Variants in HIVEP1 observed in about 807,000 individuals in gnomAD.
The protein encoded by HIVEP1 is HIVEP zinc finger 1.
A neutral mutation model predicts 180.0 loss-of-function variants in HIVEP1; 36 were observed. That is an observed-to-expected ratio of 0.20 (90% CI 0.15 to 0.26). The LOEUF (loss-of-function observed/expected upper bound fraction) is 0.26, where lower values mean the gene tolerates loss of function less well. Ranked by LOEUF, HIVEP1 falls within the 10% of genes least tolerant of loss-of-function variation. The probability of loss-of-function intolerance (pLI) is 1.00; values close to 1 mark genes in which losing one functional copy is unlikely to be tolerated. For missense variants in HIVEP1, 3,143 were observed against 3,268.7 expected (o/e 0.96, Z 0.94); for synonymous variants, 1,239 against 1,239.0 (o/e 1.00, Z 0.00).
intron 2 of HIVEP1, among the ~76,000 whole-genome samples, chr6:12,055,917 G>T (rs1000116129): frequency 6.6e-6 from 1 of 152,220 alleles, no homozygotes; most frequent in African/African-American, 2.4e-5. Flanking sequence ...GAAGGCTAGT[G>T]TGCATCATTT....
chr6:12,195,293 G>T, the HIVEP1 span, among the ~76,000 whole-genome samples: 1 of 152,098 alleles, frequency 6.6e-6, no homozygotes, highest in Non-Finnish European at 1.5e-5. Context: ...ACATTTCCTG[G>T]TATAGAGTAA....
chr6:12,101,733 A>C (rs1774125227), intron 3 of HIVEP1, among the ~76,000 whole-genome samples: 1 of 152,132 alleles, frequency 6.6e-6, no homozygotes. Flanking sequence ...GTTAAATTGC[A>C]GGCACAAATT....
chr6:12,177,301 C>A, the HIVEP1 span, among the ~76,000 whole-genome samples: 1 of 152,090 alleles, frequency 6.6e-6, no homozygotes, highest in South Asian at 2.1e-4. Context: ...TGCACAGGTA[C>A]CCCCAAACCT....
At chr6:12,157,113 T>C (rs1375859617) in intron 7 of HIVEP1, among the ~76,000 whole-genome samples, 1 of 152,210 alleles carries the variant, frequency 6.6e-6, no homozygotes, top group African/African-American at 2.4e-5. Context: ...CGTCTGATAT[T>C]AGTATAGTTT....
chr6:12,067,199 T>C (rs1771654372), intron 2 of HIVEP1, among the ~76,000 whole-genome samples: 1 of 152,170 alleles, frequency 6.6e-6, no homozygotes, highest in Admixed American at 6.5e-5. Context: ...GATTAATTAT[T>C]AGTATTATGG....
At chr6:12,127,642 T>A (rs1032744369) in intron 4 of HIVEP1, among the ~76,000 whole-genome samples, 1 of 152,104 alleles carries the variant, frequency 6.6e-6, no homozygotes, top group Non-Finnish European at 1.5e-5. Context: ...TTGCTCAGGG[T>A]ATAAAGAAGA....
At chr6:12,047,015 C>A (rs1294092706) in intron 2 of HIVEP1, among the ~76,000 whole-genome samples, 2 of 151,772 alleles carry the variant, frequency 1.3e-5, no homozygotes, top group African/African-American at 4.8e-5. Flanking sequence ...TGTCCACCAC[C>A]ACGCCTGGCT....
intron 2 of HIVEP1, among the ~76,000 whole-genome samples, chr6:12,077,724 T>C (rs970563206): frequency 3.3e-5 from 5 of 152,232 alleles, no homozygotes; most frequent in Non-Finnish European, 5.9e-5. Flanking sequence ...AATTGACATC[T>C]AATTCTGTTG....
chr6:12,071,896 C>A (rs72826057), intron 2 of HIVEP1, among the ~76,000 whole-genome samples: 3,868 of 152,130 alleles, frequency 0.025, 71 homozygotes, highest in Middle Eastern at 0.044. Flanking sequence ...TGCTTTAATT[C>A]ATTGTTATTT....
intron 2 of HIVEP1, among the ~76,000 whole-genome samples, chr6:12,079,718 G>A (rs1402852748): frequency 6.6e-6 from 1 of 152,156 alleles, no homozygotes; most frequent in African/African-American, 2.4e-5. Flanking sequence ...GGAGTGGGGT[G>A]CAGCCTGAGT....
At chr6:12,047,822 C>T (rs1224341848) in intron 2 of HIVEP1, among the ~76,000 whole-genome samples, 6 of 152,202 alleles carry the variant, frequency 3.9e-5, no homozygotes, top group South Asian at 4.1e-4. Flanking sequence ...CATGAGAGAT[C>T]GCTTGCAGTC....
the HIVEP1 span, among the ~76,000 whole-genome samples, chr6:12,178,534 G>A: frequency 1.3e-5 from 2 of 152,042 alleles, no homozygotes; most frequent in African/African-American, 4.8e-5. Flanking sequence ...TGAGAGGAAT[G>A]CAAATTAAAA....
rs148651911 is a variant in HIVEP1 at position 12,063,810 on chromosome 6, A to G, written c.41-25374A>G. Reference sequence around the variant, plus strand: ...AAACCTCTTGTGTACCAGCTTCACCATGCATGAGATTCACATATGTTTCTT... The same window carrying G: ...AAACCTCTTGTGTACCAGCTTCACCGTGCATGAGATTCACATATGTTTCTT... On this transcript the variant is annotated intron_variant, in intron 2 of 8. Transcript: ENST00000379388. The surrounding 1 kb of genome is among the most constrained non-coding windows in gnomAD (Gnocchi z 4.2). 1.4e-4 allele frequency among the ~76,000 whole-genome samples: 22 copies of G among 152,334 alleles called. No homozygotes were observed. The East Asian group carries it at 4.2e-3, about 29-fold the overall frequency.
At chr6:12,084,146 A>G (rs1314725904) in intron 2 of HIVEP1, among the ~76,000 whole-genome samples, 1 of 152,116 alleles carries the variant, frequency 6.6e-6, no homozygotes, top group Non-Finnish European at 1.5e-5. Context: ...CAGCTTTGTC[A>G]GTGCTGGTTA....
the HIVEP1 span, among the ~76,000 whole-genome samples, chr6:12,185,811 T>A: frequency 3.3e-5 from 5 of 152,200 alleles, no homozygotes; most frequent in Non-Finnish European, 7.3e-5. Flanking sequence ...GGCAAGGATG[T>A]GGAGAAATGG....
At position 12,080,354 on chromosome 6, in the gene HIVEP1, CAT is replaced by C. The variant is rs571611950; in HGVS notation, c.41-8827_41-8826del. On this transcript the variant is annotated intron_variant, in intron 2 of 8. Transcript: ENST00000379388. ...TCCTAGCATCTTCTATGGGTAAAAA[CAT>C]ATTTAGTATAAGGGGGAACTTCTTT... Among the ~76,000 whole-genome samples the C allele has an allele frequency of 2.8e-3, 429 of 152,220 alleles. 2 individuals are homozygous for C. The highest frequency in any genetic ancestry group is 3.4e-3 in the Non-Finnish European group (231 of 68,004).
chr6:12,131,050 C>CATTAGTCTATT, intron 6 of HIVEP1, 108 bp downstream of exon 6: 1 of 660,446 alleles, frequency 1.5e-6, no homozygotes, highest in Non-Finnish European at 2.5e-6. Flanking sequence ...CTTAAATAGA[C>CATTAGTCTATT]TAATGTCAAT....
intron 2 of HIVEP1, among the ~76,000 whole-genome samples, chr6:12,083,520 G>A (rs1772924850): frequency 6.6e-6 from 1 of 152,082 alleles, no homozygotes; most frequent in African/African-American, 2.4e-5. Flanking sequence ...CTCAGAATAT[G>A]CTGTGAGGAC....
At chr6:12,077,403 G>T (rs1337059961) in intron 2 of HIVEP1, among the ~76,000 whole-genome samples, 1 of 152,210 alleles carries the variant, frequency 6.6e-6, no homozygotes. Flanking sequence ...GACTCCAGGT[G>T]GGTGCTCTAG....
Sources: allele counts gnomAD v4.1 joint callset (sites outside exome capture counted in the v4.1 genomes callset), GRCh38; gene constraint gnomAD v4.1.1; non-coding constraint Gnocchi (gnomAD v3.1); transcripts MANE v1.5; gene names NCBI Gene and HGNC (gene_info 2026-07-23, HGNC 2026-07-21).